The following RAB31 variants were observed in gnomAD, a reference collection of about 807,000 sequenced individuals.
RAB31 encodes the protein ras-related protein Rab-31.
Under a neutral mutation model 25.6 loss-of-function variants are expected in RAB31, and 21 were observed. The ratio of observed to expected loss-of-function variants is 0.82; its 90% CI spans 0.58 to 1.18. RAB31 has a LOEUF of 1.18. Ranked by LOEUF, RAB31 falls within the 50% of genes most tolerant of loss-of-function variation. The probability of loss-of-function intolerance (pLI) is 0.00; values close to 1 mark genes in which losing one functional copy is unlikely to be tolerated. For synonymous variants in RAB31, 87 were observed against 84.0 expected (o/e 1.04, Z -0.20); for missense variants, 196 against 250.1 (o/e 0.78, Z 1.46).
chr18:9,812,172 G>A (rs1331647001), intron 3 of RAB31, among the ~76,000 whole-genome samples: 3 of 152,060 alleles, frequency 2.0e-5, no homozygotes, highest in African/African-American at 4.8e-5. Flanking sequence ...ACCTCCTAAG[G>A]GCCCCACCTC....
In RAB31 at chr18:9,819,457, T is replaced by G. The variant is rs541919457; in HGVS notation, c.380+4235T>G. On this transcript the variant is annotated intron_variant, in intron 5 of 6. Coordinates refer to ENST00000578921, the MANE Select transcript of RAB31 (RefSeq NM_006868.4). ...TGTCCTGACACCAGTGTTATACTATTTTGATTGCTGTAGCTTTGTAGTAAG... is the reference window on the plus strand; with the variant it reads ...TGTCCTGACACCAGTGTTATACTATGTTGATTGCTGTAGCTTTGTAGTAAG... 3.9e-5 allele frequency among the ~76,000 whole-genome samples: 6 copies of G among 152,326 alleles called. No individual in the cohort carries two copies. The South Asian group carries it at 1.2e-3, about 32-fold the overall frequency.
At chr18:9,756,745 G>T (rs904741666) in intron 1 of RAB31, among the ~76,000 whole-genome samples, 2 of 152,172 alleles carry the variant, frequency 1.3e-5, no homozygotes, top group African/African-American at 4.8e-5. Context: ...GCACGTAGTA[G>T]GTGCTCAATA....
At chr18:9,714,296 C>T (rs944749325) in intron 1 of RAB31, among the ~76,000 whole-genome samples, 11 of 152,184 alleles carry the variant, frequency 7.2e-5, no homozygotes, top group East Asian at 1.9e-4. Context: ...AACTGTTCCA[C>T]GTCAGATCAT....
rs765714482 is a variant in RAB31, at chr18:9,845,579, C to T, written c.381-3C>T. ...TCCTGTCTACATTTGACCTCTTTTCCAGGGAGGTTCCCCTGAAGGATGCTA... is the reference window on the plus strand; with the variant it reads ...TCCTGTCTACATTTGACCTCTTTTCTAGGGAGGTTCCCCTGAAGGATGCTA... On this transcript the variant is annotated splice_region_variant and splice_polypyrimidine_tract_variant and intron_variant, in intron 5 of 6. Coordinates refer to ENST00000578921, the MANE Select transcript of RAB31 (RefSeq NM_006868.4). 23 of 1,531,756 alleles carry T rather than the reference C, an allele frequency of 1.5e-5. No homozygotes were observed. In the Admixed American group the frequency reaches 2.5e-4, roughly 17 times the overall value. The allele number at this position is 1,531,756 out of a possible 1,614,324, so 94.9% of individuals were successfully genotyped here. A position where few individuals can be genotyped will look rare whatever the true frequency, so the allele number is the denominator to read the frequency against.
chr18:9,762,185 A>G (rs2068292567), intron 1 of RAB31, among the ~76,000 whole-genome samples: 2 of 152,176 alleles, frequency 1.3e-5, no homozygotes, highest in African/African-American at 4.8e-5. Flanking sequence ...GGAGCAAGTC[A>G]TTGGGTCCAG....
intron 1 of RAB31, among the ~76,000 whole-genome samples, chr18:9,730,273 C>T (rs995145499): frequency 2.0e-5 from 3 of 150,190 alleles, no homozygotes; most frequent in African/African-American, 7.4e-5. Context: ...CAAAGTCCTT[C>T]GAGCCTCACC....
intron 1 of RAB31, among the ~76,000 whole-genome samples, chr18:9,770,022 C>T (rs1339498848): frequency 3.3e-5 from 5 of 152,208 alleles, no homozygotes; most frequent in East Asian, 1.9e-4. Flanking sequence ...ACCAGCCTTG[C>T]GTCCCGGGGA....
At chr18:9,763,891 G>T (rs1197236701) in intron 1 of RAB31, among the ~76,000 whole-genome samples, 1 of 152,092 alleles carries the variant, frequency 6.6e-6, no homozygotes, top group African/African-American at 2.4e-5. Context: ...TAGGCCTTTT[G>T]TTCACCAAAG....
intron 1 of RAB31, among the ~76,000 whole-genome samples, chr18:9,722,236 C>T (rs901098176): frequency 7.9e-5 from 12 of 152,170 alleles, no homozygotes; most frequent in African/African-American, 2.9e-4. Context: ...CATGATCTGA[C>T]TTAGCTTTTA....
chr18:9,740,925 C>T (rs1346387787), intron 1 of RAB31, among the ~76,000 whole-genome samples: 4 of 152,146 alleles, frequency 2.6e-5, no homozygotes, highest in Non-Finnish European at 5.9e-5. Flanking sequence ...AGTAGCAGCG[C>T]ACACTGCAAT....
At chr18:9,721,440 C>G (rs1169729149) in intron 1 of RAB31, among the ~76,000 whole-genome samples, 1 of 151,996 alleles carries the variant, frequency 6.6e-6, no homozygotes, top group Non-Finnish European at 1.5e-5. Context: ...ATGGTGAAAC[C>G]CTGTCTCTAC....
At chr18:9,719,040 A>G (rs1273888007) in intron 1 of RAB31, among the ~76,000 whole-genome samples, 1 of 151,626 alleles carries the variant, frequency 6.6e-6, no homozygotes, top group Non-Finnish European at 1.5e-5. Flanking sequence ...GAAGCCAAGG[A>G]TGGTGGCTCA....
rs192408243 is a variant in RAB31 at position 9,791,879 on chromosome 18, C to T, written c.120-275C>T. Among the ~76,000 whole-genome samples the T allele has an allele frequency of 1.4e-4, 21 of 152,302 alleles. No homozygotes were observed. In the South Asian group the frequency reaches 1.7e-3, roughly 12 times the overall value. On this transcript the variant is annotated intron_variant, in intron 2 of 6. Transcript: ENST00000578921. ...TTGGCCTCCCAAAGTGCCGGGATTA[C>T]GGCATGAACCACCGCGCCTGGCCAG...
chr18:9,816,274 A>G (rs12455645), intron 5 of RAB31: 110,497 of 150,928 alleles, frequency 0.73, 41,552 homozygotes, highest in East Asian at 0.98. Flanking sequence ...AAGAAATAAG[A>G]GAAAATGATA....
At chr18:9,844,831 GA>G (rs2068752304) in intron 5 of RAB31, 1 of 146,016 alleles carries the variant, frequency 6.8e-6, no homozygotes, top group South Asian at 2.2e-4. Flanking sequence ...GCGTTCAGGT[GA>G]GTTTTGTTTT....
At chr18:9,807,779 G>A (rs2068549615) in intron 3 of RAB31, among the ~76,000 whole-genome samples, 1 of 152,052 alleles carries the variant, frequency 6.6e-6, no homozygotes, top group African/African-American at 2.4e-5. Flanking sequence ...TTTCAAACCA[G>A]CCTGGGCAAC....
At chr18:9,812,927 C>T (rs2068581803) in intron 3 of RAB31, among the ~76,000 whole-genome samples, 1 of 151,820 alleles carries the variant, frequency 6.6e-6, no homozygotes, top group Non-Finnish European at 1.5e-5. Context: ...AAACTCCTGA[C>T]CTCGGGTGAT....
At chr18:9,783,053 C>T (rs558960023) in intron 2 of RAB31, among the ~76,000 whole-genome samples, 2 of 152,248 alleles carry the variant, frequency 1.3e-5, no homozygotes, top group African/African-American at 4.8e-5. Flanking sequence ...GAGAGTCTTT[C>T]TCCTAGTGGC....
Position 9,815,158 on chromosome 18 carries a change from G to A in RAB31, c.316G>A (p.Glu106Lys). ...TLKKWVKELK[E>K]HGPENIVMAI... The stretch of plus-strand genomic sequence containing the variant: ...GAAGAAATGGGTCAAGGAGCTGAAA[G>A]AACATGGTCCAGAAAACATTGTAAT... Residue 106 changes from glutamate (E) to lysine (K), a missense_variant, in exon 5 of 7, where the codon GAA (glutamate) becomes AAA (lysine). Physicochemically the swap from Glu to Lys is moderately conservative, Grantham distance 56 (BLOSUM62 1). Transcript: ENST00000578921. 1 of 1,557,148 alleles carries A rather than the reference G, an allele frequency of 6.4e-7. No homozygotes were observed. The highest frequency in any genetic ancestry group is 8.7e-7 in the Non-Finnish European group (1 of 1,149,210).
Sources: allele counts gnomAD v4.1 joint callset (sites outside exome capture counted in the v4.1 genomes callset), GRCh38; gene constraint gnomAD v4.1.1; transcripts MANE v1.5; gene names NCBI Gene and HGNC (gene_info 2026-07-23, HGNC 2026-07-21).